DHX38: variants seen among roughly 807,000 people sequenced by gnomAD.
The protein encoded by DHX38 is DEAH-box helicase 38.
In DHX38, 100 loss-of-function variants were observed where a neutral mutation model predicts 153.1. The ratio of observed to expected loss-of-function variants is 0.65; its 90% CI spans 0.56 to 0.77. DHX38 has a LOEUF of 0.77. Among genes scored for constraint, DHX38 ranks in the 30% least tolerant of loss-of-function variants. The pLI is 0.00. For missense variants in DHX38, 1,440 were observed against 1,654.0 expected (o/e 0.87, Z 2.24); for synonymous variants, 650 against 631.7 (o/e 1.03, Z -0.43).
Position 72,104,216 on chromosome 16 carries a change from T to G in DHX38, c.2010+85T>G, listed in dbSNP as rs2042140992. 6.6e-7 allele frequency: 1 copy of G among 1,510,098 alleles called. No homozygotes were observed. Among genetic ancestry groups the G allele is most frequent in the Non-Finnish European group, 9.0e-7 (1 of 1,115,860 alleles). The allele number at this position is 1,510,098 out of a possible 1,614,324, so 93.5% of individuals were successfully genotyped here. A position where few individuals can be genotyped will look rare whatever the true frequency, so the allele number is the denominator to read the frequency against. ...AGCTAGTGGGTTGCTCCAGGTGGGC[T>G]GAGGGGGTCTCTGGTAGGCCAGAGG... On this transcript the variant is annotated intron_variant, in intron 14 of 26. Transcript: ENST00000268482. The surrounding 1 kb of genome is among the most constrained non-coding windows in gnomAD (Gnocchi z 4.5).
At chr16:72,097,477 G>T in intron 3 of DHX38, 200 bp from the exon 4 acceptor site, 1 of 530,854 alleles carries the variant, frequency 1.9e-6, no homozygotes, top group Non-Finnish European at 3.4e-6. Flanking sequence ...TGTTACTGTG[G>T]GTTTGAAATT....
chr16:72,108,612 A>ACCCAGGAGCCCAGTGAG lies in DHX38; in HGVS notation c.3255+9_3255+25dup. On this transcript the variant is annotated splice_donor_region_variant and intron_variant, in intron 23 of 26. Coordinates refer to ENST00000268482, the MANE Select transcript of DHX38 (RefSeq NM_014003.4). ...CACCAAGCAGCCAAGCTCAAGGTGA[A>ACCCAGGAGCCCAGTGAG]CCCAGGAGCCCAGTGAGCCCCTCCC... 1 of 1,613,016 alleles carries ACCCAGGAGCCCAGTGAG rather than the reference A, an allele frequency of 6.2e-7. No individual in the cohort carries two copies.
At position 72,103,757 on chromosome 16, in the gene DHX38, G is replaced by T; in HGVS notation, c.1793G>T (p.Ser598Ile). 2 of 1,613,412 alleles carry T rather than the reference G, an allele frequency of 1.2e-6. No individual in the cohort carries two copies. Among genetic ancestry groups the T allele is most frequent in the Non-Finnish European group, 1.7e-6 (2 of 1,179,320 alleles). ...GCCATGTCAGTGGCCAAGAGAGTCA[G>T]TGAAGAGATGGGGGGAAACCTTGGC... is the stretch of plus-strand genomic sequence containing the variant. ...VAAMSVAKRV[S>I]EEMGGNLGEE... The change falls in exon 13 of 27, where the codon AGT becomes ATT. Residue 598 changes from serine (S) to isoleucine (I), a missense_variant. By Grantham distance (142) the Ser-to-Ile change is moderately radical. This residue lies in a region of DHX38 where 241 missense variants were observed against 229.5 expected (regional missense o/e 1.05). Coordinates refer to ENST00000268482, the MANE Select transcript of DHX38 (RefSeq NM_014003.4).
intron 3 of DHX38, 193 bp downstream of exon 3, chr16:72,097,202 C>T: frequency 3.6e-6 from 2 of 553,750 alleles, no homozygotes; most frequent in South Asian, 5.5e-5. Flanking sequence ...TGTAACATAG[C>T]TGCTCTCCTT....
Position 72,104,587 on chromosome 16 carries a change from C to A in DHX38, c.2112C>A (p.Ile704=), listed in dbSNP as rs1331042788. 6.2e-7 allele frequency: 1 copy of A among 1,614,050 alleles called. No homozygotes were observed. The highest frequency in any genetic ancestry group is 8.5e-7 in the Non-Finnish European group (1 of 1,180,036). Residue 704 remains isoleucine (I), a synonymous_variant, in exon 15 of 27, where the codon ATC becomes ATA. Coordinates refer to ENST00000268482, the MANE Select transcript of DHX38 (RefSeq NM_014003.4). This position sits in a 1 kb window ranked among gnomAD's most constrained non-coding sequence, Gnocchi z 4.5. ...TTGGGAATGTCCCCATCTTCCACAT[C>A]CCTGGCCGTACCTTCCCTGTTGACA... ...AFFGNVPIFH[I]PGRTFPVDIL... is the part of the protein sequence containing the mutation.
At position 72,104,738 on chromosome 16, in the gene DHX38, T is replaced by G; in HGVS notation, c.2151+112T>G. The G allele has an allele frequency of 6.9e-7, 1 of 1,459,560 alleles. No individual in the cohort carries two copies. Among genetic ancestry groups the G allele is most frequent in the Non-Finnish European group, 9.4e-7 (1 of 1,066,884 alleles). The allele number at this position is 1,459,560 out of a possible 1,614,324, so 90.4% of individuals were successfully genotyped here. On this transcript the variant is annotated intron_variant, in intron 15 of 26. Transcript: ENST00000268482. This position sits in a 1 kb window ranked among gnomAD's most constrained non-coding sequence, Gnocchi z 4.5. ...GGGGACTGGGTTGGAGAAGATTTCC[T>G]GGGGACCATGGGGCAAATGGGGCAG...
At chr16:72,101,686 C>A in intron 11 of DHX38, 74 bp downstream of exon 11, 1 of 1,262,292 alleles carries the variant, frequency 7.9e-7, no homozygotes, top group Non-Finnish European at 1.1e-6. Flanking sequence ...TGCGGCAGAA[C>A]CCATCGACTT....
chr16:72,103,663 C>A lies in DHX38; in HGVS notation c.1699C>A (p.Gln567Lys). The A allele has an allele frequency of 1.2e-6, 2 of 1,614,020 alleles. No homozygotes were observed. The highest frequency in any genetic ancestry group is 1.1e-5 in the South Asian group (1 of 91,078). Residue 567 changes from glutamine to lysine, a missense_variant, in exon 13 of 27, where the codon CAG (glutamine) becomes AAG (lysine). Transcript: ENST00000268482. ...GAGTGGTAAGACCACTCAGCTGACG[C>A]AGTACCTGCATGAAGATGGTTACAC... Reference protein sequence around the residue: ...TGSGKTTQLTQYLHEDGYTDY... With the variant: ...TGSGKTTQLTKYLHEDGYTDY...
At position 72,100,487 on chromosome 16, in the gene DHX38, C is replaced by T. The variant is rs775888068; in HGVS notation, c.1168C>T (p.Arg390Trp). The stretch of plus-strand genomic sequence containing the variant: ...CATGCTCACCAGTGGGGTGGTCCAT[C>T]GGCTGGAGGTGGATGAGGACTTTGA... ...NRMLTSGVVHRLEVDEDFEED... is the reference protein window; with the variant it reads ...NRMLTSGVVHWLEVDEDFEED... The change falls in exon 9 of 27, where the codon CGG (arginine) becomes TGG (tryptophan). Residue 390 changes from arginine to tryptophan, a missense_variant. Physicochemically the swap from Arg to Trp is moderately radical, Grantham distance 101. This residue lies in a region of DHX38 where 77 missense variants were observed against 125.4 expected (regional missense o/e 0.61). Coordinates refer to ENST00000268482, the MANE Select transcript of DHX38 (RefSeq NM_014003.4). 1.4e-5 allele frequency: 22 copies of T among 1,613,986 alleles called. No individual in the cohort carries two copies. The highest frequency in any genetic ancestry group is 2.2e-5 in the East Asian group (1 of 44,878).
chr16:72,105,978 C>T (rs556624735), intron 18 of DHX38, 27 bp from the exon 19 acceptor site: 533 of 1,603,678 alleles, frequency 3.3e-4, no homozygotes, highest in Non-Finnish European at 4.3e-4. Context: ...CTCTGTCCTT[C>T]GTCAGCTCTT....
intron 7 of DHX38, among the ~76,000 whole-genome samples, 195 bp from the exon 8 acceptor site, chr16:72,099,537 C>T (rs762096239): frequency 6.9e-6 from 1 of 145,504 alleles, no homozygotes. Flanking sequence ...GGCTGCCCTC[C>T]AGTCCTGTGT....
Position 72,103,692 on chromosome 16 carries a change from C to G in DHX38, c.1728C>G (p.Asp576Glu). ...TQYLHEDGYT[D>E]YGMIGCTQPR... ...ACCTGCATGAAGATGGTTACACGGA[C>G]TATGGGATGATTGGGTGTACCCAGC... Residue 576 changes from aspartate (D) to glutamate (E), a missense_variant, in exon 13 of 27, where the codon GAC becomes GAG. By Grantham distance (45) the Asp-to-Glu change is conservative (BLOSUM62 2). Transcript: ENST00000268482. The G allele has an allele frequency of 1.2e-6, 2 of 1,614,176 alleles. No homozygotes were observed. The highest frequency in any genetic ancestry group is 8.5e-7 in the Non-Finnish European group (1 of 1,180,004).
rs1449862829 is a variant in DHX38, at chr16:72,103,800, T to C, written c.1824+12T>C. 1 of 1,607,558 alleles carries C rather than the reference T, an allele frequency of 6.2e-7. No homozygotes were observed. Among genetic ancestry groups the C allele is most frequent in the Admixed American group, 1.7e-5 (1 of 59,870 alleles). ...ACCTTGGCGAGGAGGTGAGTGGGCG[T>C]GGGGGCTGAGCCATGTAGTTATTCC... On this transcript the variant is annotated intron_variant, in intron 13 of 26. Transcript: ENST00000268482.
chr16:72,095,894 G>GTGT (rs2042008423), intron 1 of DHX38, among the ~76,000 whole-genome samples: 4 of 147,168 alleles, frequency 2.7e-5, no homozygotes, highest in Non-Finnish European at 4.5e-5. Context: ...GAATGTATGG[G>GTGT]GTGTGTGTGT....
rs776690711 is a variant in DHX38 at position 72,111,042 on chromosome 16, G to A, written c.3564G>A (p.Gln1188=). ...AGGAGCAGCTGCGAGCCCGGCGGCAGGAGCAGGAGAAGCGCAGCCCCCTGG... is the reference window on the plus strand; with the variant it reads ...AGGAGCAGCTGCGAGCCCGGCGGCAAGAGCAGGAGAAGCGCAGCCCCCTGG... ...LAEEQLRARR[Q]EQEKRSPLGS... Residue 1188 remains glutamine (Q), a synonymous_variant, in exon 26 of 27, where the codon CAG becomes CAA. Transcript: ENST00000268482. The A allele has an allele frequency of 9.5e-6, 15 of 1,576,532 alleles. No homozygotes were observed. Among genetic ancestry groups the A allele is most frequent in the Non-Finnish European group, 1.3e-5 (15 of 1,161,256 alleles).
rs763513848 is a variant in DHX38, at chr16:72,105,361, G to C, written c.2379+13G>C. ...AATCTTCCAGAAGGTGTGTCAGCAG[G>C]AATGTCCAGGAGTGGCTCTTGGAGT... On this transcript the variant is annotated intron_variant, in intron 17 of 26. Coordinates refer to ENST00000268482, the MANE Select transcript of DHX38 (RefSeq NM_014003.4). 2.5e-6 allele frequency: 4 copies of C among 1,613,352 alleles called. No homozygotes were observed. In the African/African-American group the frequency reaches 5.3e-5, roughly 22 times the overall value.
In DHX38 at chr16:72,098,646, T is replaced by C. The variant is rs1456265869; in HGVS notation, c.618T>C (p.Asp206=). 2 of 1,613,722 alleles carry C rather than the reference T, an allele frequency of 1.2e-6. No homozygotes were observed. Among genetic ancestry groups the C allele is most frequent in the East Asian group, 2.2e-5 (1 of 44,874 alleles). Residue 206 remains aspartate, a splice_region_variant and synonymous_variant, in exon 5 of 27, where the codon GAT becomes GAC. Transcript: ENST00000268482. Reference sequence around the variant, plus strand: ...GTGGATGTGTCTTTTGTGGCCCAGATGCAGCCACCCCTTCAAGGTCTACCT... The same window carrying C: ...GTGGATGTGTCTTTTGTGGCCCAGACGCAGCCACCCCTTCAAGGTCTACCT... ...EPESPRHRPK[D]AATPSRSTWE... is the part of the protein sequence containing the mutation.
chr16:72,109,315 AGGGAT>A (rs1199082840), intron 24 of DHX38, 95 bp from the exon 25 acceptor site: 115 of 1,316,254 alleles, frequency 8.7e-5, no homozygotes, highest in Admixed American at 2.3e-4. Context: ...TTGCAGGGCC[AGGGAT>A]TGGGCCCTTC....
In DHX38 at chr16:72,101,631, C is replaced by T. The variant is rs1467406255; in HGVS notation, c.1499+19C>T. 3.6e-5 allele frequency: 56 copies of T among 1,544,868 alleles called. No homozygotes were observed. Among genetic ancestry groups the T allele is most frequent in the Non-Finnish European group, 4.9e-5 (56 of 1,141,504 alleles). On this transcript the variant is annotated intron_variant, in intron 11 of 26. Transcript: ENST00000268482. ...ACTACAGGTGGGCAGCCTCAGCCAG[C>T]AGCACATCAGCCTTGCTCCAAAGAT...
Sources: allele counts gnomAD v4.1 joint callset (sites outside exome capture counted in the v4.1 genomes callset), GRCh38; gene constraint gnomAD v4.1.1; regional missense constraint gnomAD v4.1.1; non-coding constraint Gnocchi (gnomAD v3.1); transcripts MANE v1.5; gene names NCBI Gene and HGNC (gene_info 2026-07-23, HGNC 2026-07-21).